MAPK4: variants seen among roughly 807,000 people sequenced by gnomAD.
MAPK4 encodes Erk3-related.
MAPK4 carries 22 observed loss-of-function variants against 47.7 expected under a neutral mutation model. The observed-to-expected ratio is 0.46, with a 90% CI of 0.33 to 0.66. The LOEUF is 0.66. MAPK4 is among the 30% of genes least tolerant of loss of function. The probability of loss-of-function intolerance (pLI) is 0.02; values close to 1 mark genes in which losing one functional copy is unlikely to be tolerated. For synonymous variants in MAPK4, 390 were observed against 365.7 expected (o/e 1.07, Z -0.76); for missense variants, 736 against 831.7 (o/e 0.88, Z 1.42).
At chr18:50,580,602 A>G (rs950242709) in intron 1 of MAPK4, among the ~76,000 whole-genome samples, 5 of 152,132 alleles carry the variant, frequency 3.3e-5, no homozygotes, top group Non-Finnish European at 7.4e-5. Context: ...TCCTGCTTCC[A>G]TCTGCTGTTT....
rs73437761 is a variant in MAPK4, at chr18:50,637,688, C to A, written c.-870-25401C>A. 9.6e-3 allele frequency among the ~76,000 whole-genome samples: 1,459 copies of A among 152,276 alleles called. 24 individuals carry two copies. Among genetic ancestry groups the A allele is most frequent in the African/African-American group, 0.034 (1,395 of 41,540 alleles). On this transcript the variant is annotated intron_variant, in intron 1 of 5. Coordinates refer to ENST00000400384, the MANE Select transcript of MAPK4 (RefSeq NM_002747.4). Reference sequence around the variant, plus strand: ...GTCTGGGTGAGTTAACCAACAGACACGTATTTTCTCACAGTTCTGGAGGCT... The same window carrying A: ...GTCTGGGTGAGTTAACCAACAGACAAGTATTTTCTCACAGTTCTGGAGGCT...
At chr18:50,670,599 A>C (rs1337417667) in intron 2 of MAPK4, among the ~76,000 whole-genome samples, 1 of 151,978 alleles carries the variant, frequency 6.6e-6, no homozygotes, top group African/African-American at 2.4e-5. Flanking sequence ...TCTACTAAAA[A>C]TATAAAAATT....
At chr18:50,566,692 G>T (rs960199741) in intron 1 of MAPK4, among the ~76,000 whole-genome samples, 1 of 152,118 alleles carries the variant, frequency 6.6e-6, no homozygotes, top group Non-Finnish European at 1.5e-5. Context: ...AAATTGAGAC[G>T]GTTCAATTGG....
rs953828130 is a variant in MAPK4, at chr18:50,678,273, A to G, written c.546+13769A>G. On this transcript the variant is annotated intron_variant, in intron 2 of 5. Transcript: ENST00000400384. The surrounding 1 kb of genome is among the most constrained non-coding windows in gnomAD (Gnocchi z 4.2). ...TAATTAGGAAGCACTGGGCTAGGGG[A>G]AGGGAGTTGAACTCAAAAGGAGACC... is the stretch of plus-strand genomic sequence containing the variant. Among the ~76,000 whole-genome samples, 4 of 152,184 alleles carry G rather than the reference A, an allele frequency of 2.6e-5. No homozygotes were observed. Among genetic ancestry groups the G allele is most frequent in the Non-Finnish European group, 5.9e-5 (4 of 68,028 alleles).
At chr18:50,620,582 C>T (rs1310526737) in intron 1 of MAPK4, among the ~76,000 whole-genome samples, 3 of 152,034 alleles carry the variant, frequency 2.0e-5, no homozygotes, top group Non-Finnish European at 2.9e-5. Context: ...AATATGAAAA[C>T]CATCATATCT....
intron 1 of MAPK4, among the ~76,000 whole-genome samples, chr18:50,604,602 A>G (rs2042567532): frequency 1.3e-5 from 2 of 152,380 alleles, no homozygotes; most frequent in South Asian, 4.1e-4. Flanking sequence ...AGAGACTGAT[A>G]CTTGTAAATA....
intron 1 of MAPK4, among the ~76,000 whole-genome samples, chr18:50,632,651 A>C: frequency 1.6e-5 from 2 of 128,660 alleles, no homozygotes; most frequent in African/African-American, 3.0e-5. Context: ...ACAGAGTCTC[A>C]CTCTGACATC....
At chr18:50,610,360 T>A (rs986196343) in intron 1 of MAPK4, among the ~76,000 whole-genome samples, 4 of 152,196 alleles carry the variant, frequency 2.6e-5, no homozygotes, top group Admixed American at 1.3e-4. Flanking sequence ...GAGCAGAGGC[T>A]CAGACCTTGG....
At chr18:50,576,628 A>G (rs1243015773) in intron 1 of MAPK4, among the ~76,000 whole-genome samples, 1 of 152,224 alleles carries the variant, frequency 6.6e-6, no homozygotes, top group Non-Finnish European at 1.5e-5. Flanking sequence ...TGTGCCCTGA[A>G]CCTAAAATAA....
intron 1 of MAPK4, among the ~76,000 whole-genome samples, chr18:50,610,914 C>A (rs980858127): frequency 2.6e-5 from 4 of 152,132 alleles, no homozygotes; most frequent in Non-Finnish European, 5.9e-5. Context: ...AAGGACAGTT[C>A]TTGGTGAGGG....
At chr18:50,602,125 A>G (rs1248455751) in intron 1 of MAPK4, among the ~76,000 whole-genome samples, 2 of 152,240 alleles carry the variant, frequency 1.3e-5, no homozygotes, top group Non-Finnish European at 2.9e-5. Flanking sequence ...AAGGTATTCT[A>G]TAGAAATATG....
intron 1 of MAPK4, among the ~76,000 whole-genome samples, chr18:50,654,561 T>A (rs1386722967): frequency 6.6e-6 from 1 of 152,272 alleles, no homozygotes; most frequent in Non-Finnish European, 1.5e-5. Context: ...ATCTCAGATC[T>A]CCTTCCTTTA....
At chr18:50,653,877 T>A (rs192219755) in intron 1 of MAPK4, among the ~76,000 whole-genome samples, 1 of 152,262 alleles carries the variant, frequency 6.6e-6, no homozygotes, top group East Asian at 1.9e-4. Flanking sequence ...CAAAGAAAGA[T>A]CCCGTTAGCA....
chr18:50,726,903 T>A (rs147734310), intron 5 of MAPK4, among the ~76,000 whole-genome samples: 1 of 151,808 alleles, frequency 6.6e-6, no homozygotes, highest in African/African-American at 2.4e-5. Context: ...TTATTGCCCA[T>A]TGACACACAA....
intron 1 of MAPK4, among the ~76,000 whole-genome samples, chr18:50,572,285 A>G (rs938643344): frequency 2.0e-5 from 3 of 152,188 alleles, no homozygotes; most frequent in Admixed American, 6.5e-5. Context: ...ATGAGAATAT[A>G]TCTAGTAAGT....
At chr18:50,582,393 A>T (rs2969972) in intron 1 of MAPK4, among the ~76,000 whole-genome samples, 1 of 152,012 alleles carries the variant, frequency 6.6e-6, no homozygotes, top group Non-Finnish European at 1.5e-5. Context: ...TACCTTGTGA[A>T]TTAATGAGCT....
In MAPK4 at chr18:50,729,143, T is replaced by C. The variant is rs1397403832; in HGVS notation, c.1068-15T>C. On this transcript the variant is annotated splice_polypyrimidine_tract_variant and intron_variant, in intron 5 of 5. Transcript: ENST00000400384. ...GCTTGGGCATCCAATCACCGCTCTGTTTGTACCCTTGCAGGTACCCTGTGA... is the reference window on the plus strand; with the variant it reads ...GCTTGGGCATCCAATCACCGCTCTGCTTGTACCCTTGCAGGTACCCTGTGA... The C allele has an allele frequency of 6.4e-7, 1 of 1,554,610 alleles. No individual in the cohort carries two copies. Among genetic ancestry groups the C allele is most frequent in the Admixed American group, 1.8e-5 (1 of 56,076 alleles).
At chr18:50,565,526 A>AT (rs2042191048) in intron 1 of MAPK4, among the ~76,000 whole-genome samples, 1 of 152,240 alleles carries the variant, frequency 6.6e-6, no homozygotes, top group African/African-American at 2.4e-5. Context: ...ATGTCCTTGC[A>AT]TTAAAACAGG....
intron 1 of MAPK4, among the ~76,000 whole-genome samples, chr18:50,595,167 A>G (rs1249204298): frequency 6.6e-6 from 1 of 152,232 alleles, no homozygotes; most frequent in Non-Finnish European, 1.5e-5. Flanking sequence ...GGTTAAACAT[A>G]CATACCCTAT....
Sources: gnomAD v4.1 joint callset for allele counts (sites outside exome capture counted in the v4.1 genomes callset) on GRCh38, gnomAD v4.1.1 for gene constraint, Gnocchi (gnomAD v3.1) non-coding constraint, MANE v1.5 for transcripts, NCBI Gene and HGNC (gene_info 2026-07-23, HGNC 2026-07-21) for gene names.